Variants in CLNK observed in about 807,000 individuals in gnomAD.
CLNK encodes cytokine-dependent hematopoietic cell linker.
CLNK carries 74 observed loss-of-function variants against 68.6 expected under a neutral mutation model. The ratio of observed to expected loss-of-function variants is 1.08; its 90% CI spans 0.89 to 1.31. The LOEUF (loss-of-function observed/expected upper bound fraction) is 1.31. Among genes scored for constraint, CLNK ranks in the 50% most tolerant of loss-of-function variants. The pLI is 0.00. For missense variants in CLNK, 553 were observed against 515.3 expected, an observed-to-expected ratio of 1.07 and a Z score of -0.71; for synonymous variants, 198 against 172.2, an observed-to-expected ratio of 1.15 and a Z score of -1.17.
chr4:10,508,036 C>G lies in CLNK; in HGVS notation c.907G>C (p.Asp303His). Residue 303 changes from aspartate (D) to histidine (H), a missense_variant and splice_region_variant, in exon 17 of 19, where the codon GAT becomes CAT. Transcript: ENST00000226951. ...ATGTACCATTCATTGTGCTGGACAT[C>G]CTGCAGAACAGAATCAATGATAAAT... is the stretch of plus-strand genomic sequence containing the variant. ...PPFPKRSDRKDVQHNEWYIGE... is the reference protein window; with the variant it reads ...PPFPKRSDRKHVQHNEWYIGE... The G allele has an allele frequency of 6.2e-7, 1 of 1,606,420 alleles. No homozygotes were observed. The highest frequency in any genetic ancestry group is 8.5e-7 in the Non-Finnish European group (1 of 1,175,982).
intron 14 of CLNK, among the ~76,000 whole-genome samples, chr4:10,524,378 C>T (rs901333170): frequency 6.6e-5 from 10 of 152,192 alleles, no homozygotes; most frequent in Non-Finnish European, 1.2e-4. Context: ...TGCAACATGC[C>T]TGACTCTGCC....
intron 15 of CLNK, among the ~76,000 whole-genome samples, chr4:10,520,536 T>G (rs1400837126): frequency 6.6e-6 from 1 of 152,220 alleles, no homozygotes; most frequent in East Asian, 1.9e-4. Flanking sequence ...GATCACATTT[T>G]ATACATGGGA....
chr4:10,602,535 T>C (rs1194116910), intron 2 of CLNK, among the ~76,000 whole-genome samples: 1 of 152,170 alleles, frequency 6.6e-6, no homozygotes, highest in Admixed American at 6.5e-5. Flanking sequence ...CTGGAGCCAC[T>C]AAACGCTGGA....
At chr4:10,667,794 GA>G (rs767229542) in intron 2 of CLNK, 64 bp downstream of exon 2, 19 of 1,467,348 alleles carry the variant, frequency 1.3e-5, no homozygotes, top group Non-Finnish European at 1.7e-5. Flanking sequence ...TCATCTTCCA[GA>G]AAACACCTCC....
intron 16 of CLNK, among the ~76,000 whole-genome samples, chr4:10,512,110 G>T (rs1257232643): frequency 1.3e-5 from 2 of 152,202 alleles, no homozygotes; most frequent in Admixed American, 1.3e-4. Flanking sequence ...TCTGGGATCT[G>T]GGAGGGAGCG....
In CLNK at chr4:10,598,016, G is replaced by T; in HGVS notation, c.45C>A (p.Asn15Lys). 2 of 1,589,434 alleles carry T rather than the reference G, an allele frequency of 1.3e-6. No homozygotes were observed. The highest frequency in any genetic ancestry group is 3.5e-5 in the Admixed American group (2 of 56,764). Residue 15 changes from asparagine (N) to lysine (K), a missense_variant, in exon 3 of 19, where the codon AAC becomes AAA. Transcript: ENST00000226951. ...GACTGAAGTTCTGGAATTTCAAATC[G>T]TTGGATCCTTCTTTAGTTGTCTTTC... is the stretch of plus-strand genomic sequence containing the variant. The part of the protein sequence containing the change: ...GNRKTTKEGS[N>K]DLKFQNFSLP...
intron 2 of CLNK, among the ~76,000 whole-genome samples, chr4:10,655,963 TATATAGA>T (rs1226906877): frequency 6.6e-6 from 1 of 151,866 alleles, no homozygotes; most frequent in African/African-American, 2.4e-5. Context: ...GCATTTTTAA[TATATAGA>T]GCCGGGTAAA....
At chr4:10,605,581 G>C (rs756935638) in intron 2 of CLNK, among the ~76,000 whole-genome samples, 17 of 152,118 alleles carry the variant, frequency 1.1e-4, no homozygotes, top group Non-Finnish European at 2.4e-4. Context: ...AATCCCAGCA[G>C]CACTTTGGGA....
chr4:10,578,707 G>T (rs1560225244), intron 4 of CLNK, among the ~76,000 whole-genome samples: 1 of 148,006 alleles, frequency 6.8e-6, no homozygotes, highest in Non-Finnish European at 1.5e-5. Context: ...CTGCCTCTCA[G>T]CCTCCTGAGC....
At chr4:10,677,291 T>G (rs1351602575) in intron 1 of CLNK, among the ~76,000 whole-genome samples, 1 of 152,074 alleles carries the variant, frequency 6.6e-6, no homozygotes, top group Non-Finnish European at 1.5e-5. Flanking sequence ...AAAAACACTG[T>G]AATTTTTTTC....
rs559306200 is a variant in CLNK at position 10,568,307 on chromosome 4, C to A, written c.151-2157G>T. ...ATACAAAATGGAATGTTGCATGATT[C>A]TGTTTATATGAAATGTCTGGAAGAG... is the stretch of plus-strand genomic sequence containing the variant. On this transcript the variant is annotated intron_variant, in intron 5 of 18. Transcript: ENST00000226951. 4.6e-5 allele frequency among the ~76,000 whole-genome samples: 7 copies of A among 152,014 alleles called. No individual in the cohort carries two copies. In the East Asian group the frequency reaches 7.7e-4, roughly 17 times the overall value.
intron 14 of CLNK, among the ~76,000 whole-genome samples, chr4:10,523,630 A>G (rs1350934476): frequency 2.6e-5 from 4 of 152,222 alleles, no homozygotes; most frequent in African/African-American, 7.2e-5. Context: ...AAAAGAAGTG[A>G]AACCACATCA....
intron 2 of CLNK, among the ~76,000 whole-genome samples, chr4:10,643,630 C>T (rs762316057): frequency 4.6e-5 from 7 of 152,212 alleles, no homozygotes; most frequent in South Asian, 2.1e-4. Flanking sequence ...GGAGGGGCTA[C>T]GCCAGTATCC....
intron 11 of CLNK, among the ~76,000 whole-genome samples, chr4:10,532,535 T>TATTTTGG (rs1346358020): frequency 6.6e-6 from 1 of 152,242 alleles, no homozygotes; most frequent in Non-Finnish European, 1.5e-5. Flanking sequence ...ACGTGCATCT[T>TATTTTGG]ATTTTGGGAG....
intron 3 of CLNK, among the ~76,000 whole-genome samples, chr4:10,591,327 TCTC>T (rs945967704): frequency 2.0e-4 from 31 of 152,280 alleles, no homozygotes; most frequent in African/African-American, 7.0e-4. Context: ...AATGCCCTCT[TCTC>T]CTTATTTGGG....
Position 10,586,471 on chromosome 4 carries a change from C to T in CLNK, c.84-1516G>A, listed in dbSNP as rs144706162. Among the ~76,000 whole-genome samples the T allele has an allele frequency of 9.2e-3, 1,392 of 151,700 alleles. 19 individuals are homozygous for T. The highest frequency in any genetic ancestry group is 0.031 in the African/African-American group (1,292 of 41,332). ...CTGGGATTACAGGCACGTGCCACCA[C>T]GCCTGGCTAATTTTTGTATTTTTAG... On this transcript the variant is annotated intron_variant, in intron 3 of 18. Transcript: ENST00000226951.
intron 2 of CLNK, among the ~76,000 whole-genome samples, chr4:10,629,103 C>T (rs1306562577): frequency 6.6e-6 from 1 of 152,192 alleles, no homozygotes; most frequent in Non-Finnish European, 1.5e-5. Context: ...CCCATGCCCC[C>T]ATTCTTTCTG....
intron 3 of CLNK, among the ~76,000 whole-genome samples, chr4:10,586,529 G>T (rs1720977231): frequency 6.6e-6 from 1 of 151,578 alleles, no homozygotes; most frequent in Admixed American, 6.6e-5. Context: ...TGGCCAGGAT[G>T]GTCTCGATCT....
chr4:10,609,493 A>T (rs1056976801), intron 2 of CLNK, among the ~76,000 whole-genome samples: 1 of 152,236 alleles, frequency 6.6e-6, no homozygotes, highest in African/African-American at 2.4e-5. Context: ...CTGCACAGTC[A>T]TCATTTGCAT....
Sources: gnomAD v4.1 joint callset for allele counts (sites outside exome capture counted in the v4.1 genomes callset) on GRCh38, gnomAD v4.1.1 for gene constraint, MANE v1.5 for transcripts, NCBI Gene and HGNC (gene_info 2026-07-23, HGNC 2026-07-21) for gene names.